Variants in PRDM5 observed in about 807,000 individuals in gnomAD.
PRDM5 encodes the protein PR/SET domain 5.
PRDM5 carries 56 observed loss-of-function variants against 81.2 expected under a neutral mutation model. The ratio of observed to expected loss-of-function variants is 0.69; its 90% CI spans 0.56 to 0.86. The LOEUF is 0.86. Ranked by LOEUF, PRDM5 falls within the 40% of genes least tolerant of loss-of-function variation. PRDM5 has a pLI of 0.00. For synonymous variants in PRDM5, 267 were observed against 256.4 expected, an observed-to-expected ratio of 1.04 and a Z score of -0.39; for missense variants, 697 against 770.1, an observed-to-expected ratio of 0.91 and a Z score of 1.12.
At chr4:120,798,211 T>C (rs909499380) in intron 10 of PRDM5, 56 bp downstream of exon 10, 20 of 1,332,802 alleles carry the variant, frequency 1.5e-5, no homozygotes, top group Admixed American at 1.4e-4. Context: ...AAAATAAAAA[T>C]TGAAAATCAC....
At chr4:120,905,654 T>G (rs767009425) in intron 2 of PRDM5, among the ~76,000 whole-genome samples, 199 of 152,236 alleles carry the variant, frequency 1.3e-3, no homozygotes, top group Non-Finnish European at 4.1e-4. Context: ...ATTTCAGACT[T>G]GCTACCACCA....
intron 3 of PRDM5, among the ~76,000 whole-genome samples, chr4:120,836,281 G>C (rs1757344265): frequency 6.6e-6 from 1 of 151,964 alleles, no homozygotes; most frequent in Non-Finnish European, 1.5e-5. Flanking sequence ...AGAAGTTCAG[G>C]AATATATACG....
At chr4:120,869,362 G>T (rs147517700) in intron 2 of PRDM5, among the ~76,000 whole-genome samples, 221 of 152,276 alleles carry the variant, frequency 1.5e-3, no homozygotes, top group African/African-American at 5.1e-3. Context: ...CCTCCATTGT[G>T]CAATGTAGTT....
chr4:120,794,812 G>T lies in PRDM5; in HGVS notation c.1188+3455C>A, dbSNP rs141997255. Among the ~76,000 whole-genome samples, 63 of 152,180 alleles carry T rather than the reference G, an allele frequency of 4.1e-4. 1 individual carries two copies. Among genetic ancestry groups the T allele is most frequent in the African/African-American group, 1.0e-3 (43 of 41,522 alleles). ...CTAATTTTTTTGTATTTTTAGTAGA[G>T]ATGGCATTTTGCCATGTTGGCCAGG... On this transcript the variant is annotated intron_variant, in intron 10 of 15. Transcript: ENST00000264808.
intron 13 of PRDM5, among the ~76,000 whole-genome samples, chr4:120,767,331 T>C (rs1486572873): frequency 6.6e-6 from 1 of 152,152 alleles, no homozygotes; most frequent in South Asian, 2.1e-4. Flanking sequence ...AAGAATACTG[T>C]CACTGTACTG....
At chr4:120,712,140 G>A (rs1205568641) in intron 14 of PRDM5, among the ~76,000 whole-genome samples, 5 of 151,966 alleles carry the variant, frequency 3.3e-5, no homozygotes, top group Admixed American at 1.3e-4. Flanking sequence ...ACAAAAGTTA[G>A]CTGGGCATGG....
chr4:120,766,236 G>A lies in PRDM5; in HGVS notation c.1537+10952C>T, dbSNP rs147009961. On this transcript the variant is annotated intron_variant, in intron 13 of 15. Transcript: ENST00000264808. The stretch of plus-strand genomic sequence containing the variant: ...GGCCTCCCAAAGTGCTGGGATTACA[G>A]GCATGAGCCACCACACCCAGCTGGG... 3.1e-3 allele frequency among the ~76,000 whole-genome samples: 475 copies of A among 152,300 alleles called. 3 individuals carry two copies. Among genetic ancestry groups the A allele is most frequent in the African/African-American group, 0.011 (453 of 41,568 alleles).
chr4:120,827,712 C>T (rs971724918), intron 3 of PRDM5, among the ~76,000 whole-genome samples: 3 of 151,944 alleles, frequency 2.0e-5, no homozygotes, highest in Non-Finnish European at 2.9e-5. Flanking sequence ...AAAATCAATC[C>T]GTGGGTAACA....
intron 15 of PRDM5, among the ~76,000 whole-genome samples, chr4:120,705,101 G>A (rs1481126486): frequency 2.0e-5 from 3 of 152,190 alleles, no homozygotes; most frequent in East Asian, 3.9e-4. Flanking sequence ...TAGCAAGCAA[G>A]AGAGTATGAA....
At position 120,907,560 on chromosome 4, in the gene PRDM5, G is replaced by A; in HGVS notation, c.94-3C>T. 1 of 1,599,938 alleles carries A rather than the reference G, an allele frequency of 6.3e-7. No homozygotes were observed. Among genetic ancestry groups the A allele is most frequent in the Non-Finnish European group, 8.6e-7 (1 of 1,167,302 alleles). On this transcript the variant is annotated splice_region_variant and splice_polypyrimidine_tract_variant and intron_variant, in intron 1 of 15. Coordinates refer to ENST00000264808, the MANE Select transcript of PRDM5 (RefSeq NM_018699.4). ...GCAAAGGGTCCGAACTTTTCACCCTGAGTAGCAATGATTATATTGAACAAG... is the reference window on the plus strand; with the variant it reads ...GCAAAGGGTCCGAACTTTTCACCCTAAGTAGCAATGATTATATTGAACAAG...
At chr4:120,740,578 T>A (rs1361103316) in intron 14 of PRDM5, among the ~76,000 whole-genome samples, 2 of 152,154 alleles carry the variant, frequency 1.3e-5, no homozygotes, top group African/African-American at 4.8e-5. Flanking sequence ...CCACCTATAC[T>A]GAGTATGTCT....
At position 120,692,484 on chromosome 4, in the gene PRDM5, T is replaced by C. The variant is rs535955292; in HGVS notation, c.*2627A>G. On this transcript the variant is annotated 3_prime_UTR_variant, in exon 16 of 16. Coordinates refer to ENST00000264808, the MANE Select transcript of PRDM5 (RefSeq NM_018699.4). ...CTGCTGATTATAATTTACCAATAAA[T>C]GCCTCTATATAGCCAACAACACACC... is the stretch of plus-strand genomic sequence containing the variant. 4.6e-5 allele frequency: 7 copies of C among 152,168 alleles called. No homozygotes were observed. The highest frequency in any genetic ancestry group is 8.8e-5 in the Non-Finnish European group (6 of 67,990). 9.4% of individuals were successfully genotyped at this position (152,168 alleles called of 1,614,324 possible).
At chr4:120,858,162 C>A (rs893095885) in intron 2 of PRDM5, among the ~76,000 whole-genome samples, 2 of 152,120 alleles carry the variant, frequency 1.3e-5, no homozygotes, top group African/African-American at 4.8e-5. Flanking sequence ...TGTCTTTCAA[C>A]AAGGCTCTTC....
At chr4:120,720,915 C>T (rs777017507) in intron 14 of PRDM5, among the ~76,000 whole-genome samples, 5 of 152,118 alleles carry the variant, frequency 3.3e-5, no homozygotes, top group African/African-American at 7.2e-5. Flanking sequence ...ACAAGCAACA[C>T]ATAGAACACT....
At chr4:120,816,754 A>T (rs1754569343) in intron 6 of PRDM5, 78 bp downstream of exon 6, 3 of 1,514,790 alleles carry the variant, frequency 2.0e-6, no homozygotes, top group Non-Finnish European at 2.8e-6. Flanking sequence ...AAACTGAATT[A>T]CTAAGAAGCA....
chr4:120,784,238 T>G (rs979853561), intron 11 of PRDM5, among the ~76,000 whole-genome samples: 4 of 152,088 alleles, frequency 2.6e-5, no homozygotes, highest in Admixed American at 2.6e-4. Context: ...TTCTGTGGTG[T>G]TGTAAAAAGA....
chr4:120,833,994 C>G (rs1757038496), intron 3 of PRDM5, among the ~76,000 whole-genome samples: 1 of 151,984 alleles, frequency 6.6e-6, no homozygotes, highest in South Asian at 2.1e-4. Context: ...AGTGAAAGCA[C>G]TAAGAAAAGT....
chr4:120,898,327 C>CAG (rs1234830552), intron 2 of PRDM5, among the ~76,000 whole-genome samples: 1 of 152,196 alleles, frequency 6.6e-6, no homozygotes. Context: ...ATCTGCCACG[C>CAG]AGCTTCATAA....
Position 120,710,346 on chromosome 4 carries a change from T to G in PRDM5, c.1691A>C (p.Lys564Thr). 1 of 1,614,104 alleles carries G rather than the reference T, an allele frequency of 6.2e-7. No homozygotes were observed. Among genetic ancestry groups the G allele is most frequent in the Non-Finnish European group, 8.5e-7 (1 of 1,180,012 alleles). Residue 564 changes from lysine (K) to threonine (T), a missense_variant, in exon 15 of 16, where the codon AAG becomes ACG. Lys to Thr is a moderately conservative substitution (Grantham distance 78). Transcript: ENST00000264808. ...AGGCTTTTCTCCAGTGTGCGTCCTC[T>G]TGTGCTCATCCAGGCCTCGCTTCTG... ...FSQKRGLDEH[K>T]RTHTGEKPFQ...
Sources: gnomAD v4.1 joint callset for allele counts (sites outside exome capture counted in the v4.1 genomes callset) on GRCh38, gnomAD v4.1.1 for gene constraint, MANE v1.5 for transcripts, NCBI Gene and HGNC (gene_info 2026-07-23, HGNC 2026-07-21) for gene names.